ANKRD28: variants seen among roughly 807,000 people sequenced by gnomAD.
The protein encoded by ANKRD28 is ankyrin repeat domain 28.
In ANKRD28, 44 loss-of-function variants were observed where a neutral mutation model predicts 126.5. The ratio of observed to expected loss-of-function variants is 0.35; its 90% CI spans 0.27 to 0.45. ANKRD28 has a LOEUF of 0.45. ANKRD28 is among the 20% of genes least tolerant of loss of function. The probability of loss-of-function intolerance (pLI) is 1.00; values close to 1 mark genes in which losing one functional copy is unlikely to be tolerated. For synonymous variants in ANKRD28, 442 were observed against 468.5 expected (o/e 0.94, Z 0.73); for missense variants, 1,110 against 1,316.6 (o/e 0.84, Z 2.43).
intron 1 of ANKRD28, among the ~76,000 whole-genome samples, chr3:15,795,632 T>C (rs1174018126): frequency 1.3e-5 from 2 of 152,136 alleles, no homozygotes; most frequent in East Asian, 1.9e-4. Flanking sequence ...AAATGTGTGA[T>C]CTCAACATCT....
Position 15,766,304 on chromosome 3 carries a change from T to C in ANKRD28, c.210A>G (p.Glu70=). Reference sequence around the variant, plus strand: ...CTGCGGCGTGCAATGGGGTTCGCTTTTCATTGTCCTGTGATAATAAGGAAA... The same window carrying C: ...CTGCGGCGTGCAATGGGGTTCGCTTCTCATTGTCCTGTGATAATAAGGAAA... The part of the protein sequence containing the change: ...KKEDVNFQDN[E]KRTPLHAAAY... Residue 70 remains glutamate (E), a synonymous_variant, in exon 3 of 28, where the codon GAA becomes GAG. Coordinates refer to ENST00000683139, the MANE Select transcript of ANKRD28 (RefSeq NM_001349278.2). 6.2e-7 allele frequency: 1 copy of C among 1,610,808 alleles called. No individual in the cohort carries two copies. Among genetic ancestry groups the C allele is most frequent in the African/African-American group, 1.3e-5 (1 of 75,024 alleles).
intron 27 of ANKRD28, among the ~76,000 whole-genome samples, chr3:15,674,961 G>A (rs181494493): frequency 1.3e-5 from 2 of 152,070 alleles, no homozygotes; most frequent in African/African-American, 2.4e-5. Flanking sequence ...CTGACTATAC[G>A]GAAATTAAGA....
intron 4 of ANKRD28, among the ~76,000 whole-genome samples, chr3:15,742,123 A>G (rs2057078565): frequency 6.6e-6 from 1 of 152,212 alleles, no homozygotes; most frequent in African/African-American, 2.4e-5. Flanking sequence ...TTGGCCTCCC[A>G]AAGTGCCAAG....
intron 4 of ANKRD28, among the ~76,000 whole-genome samples, chr3:15,740,983 G>A (rs995802155): frequency 6.6e-6 from 1 of 152,156 alleles, no homozygotes; most frequent in East Asian, 1.9e-4. Flanking sequence ...GGTGGATCAC[G>A]AGGTCAGGAG....
chr3:15,742,489 C>T (rs1266220744), intron 4 of ANKRD28, among the ~76,000 whole-genome samples: 2 of 139,716 alleles, frequency 1.4e-5, no homozygotes, highest in Non-Finnish European at 3.1e-5. Context: ...AGTGAGGAGA[C>T]CCTCCGCCTG....
intron 11 of ANKRD28, 73 bp downstream of exon 11, chr3:15,712,067 G>T: frequency 2.6e-6 from 3 of 1,152,860 alleles, no homozygotes; most frequent in Non-Finnish European, 3.8e-6. Context: ...TTTTTAAAAA[G>T]CAGGATAGAG....
chr3:15,778,080 C>CTCCTT (rs905163328), intron 2 of ANKRD28, among the ~76,000 whole-genome samples: 5 of 152,046 alleles, frequency 3.3e-5, no homozygotes, highest in African/African-American at 1.2e-4. Flanking sequence ...TTTTCTGGAG[C>CTCCTT]TCCTTTCGTG....
chr3:15,837,281 GAAC>G (rs1428555130), intron 1 of ANKRD28, among the ~76,000 whole-genome samples: 1 of 151,992 alleles, frequency 6.6e-6, no homozygotes, highest in Non-Finnish European at 1.5e-5. Flanking sequence ...ATGAAGATCT[GAAC>G]AACACTATAA....
chr3:15,679,448 A>C (rs749894186), intron 22 of ANKRD28, 28 bp downstream of exon 22: 1 of 1,613,708 alleles, frequency 6.2e-7, no homozygotes, highest in Admixed American at 1.7e-5. Flanking sequence ...CACTCAAACC[A>C]AATCTGATTC....
At chr3:15,703,869 A>G (rs2070974833) in intron 14 of ANKRD28, among the ~76,000 whole-genome samples, 1 of 152,252 alleles carries the variant, frequency 6.6e-6, no homozygotes, top group African/African-American at 2.4e-5. Flanking sequence ...TTTATAACAT[A>G]TACCAGGACT....
rs1436698383 is a variant in ANKRD28 at position 15,814,968 on chromosome 3, C to T, written c.28-19662G>A. ...TAACTTGCTTGTCTCCATCACTCCT[C>T]ATTTAACAATGTGGACCTTAAATAT... On this transcript the variant is annotated intron_variant, in intron 1 of 27. Transcript: ENST00000399451. This position sits in a 1 kb window ranked among gnomAD's most constrained non-coding sequence, Gnocchi z 4.7. Among the ~76,000 whole-genome samples, 1 of 151,064 alleles carries T rather than the reference C, an allele frequency of 6.6e-6. No homozygotes were observed. The highest frequency in any genetic ancestry group is 1.5e-5 in the Non-Finnish European group (1 of 67,742).
chr3:15,786,711 T>G (rs894938883), intron 2 of ANKRD28, among the ~76,000 whole-genome samples: 1 of 152,130 alleles, frequency 6.6e-6, no homozygotes, highest in African/African-American at 2.4e-5. Context: ...AGTATGAAAT[T>G]TAGGACATAA....
Position 15,833,775 on chromosome 3 carries a change from C to T in ANKRD28, c.27+25602G>A, listed in dbSNP as rs557795946. ...TGAGCAGTAGGATATAAATAACTCC[C>T]ACATGCTTAGTGTTCCAATAATGGA... On this transcript the variant is annotated intron_variant, in intron 1 of 27. Transcript: ENST00000399451. The surrounding 1 kb of genome is among the most constrained non-coding windows in gnomAD (Gnocchi z 4.4). Among the ~76,000 whole-genome samples the T allele has an allele frequency of 4.8e-4, 73 of 151,932 alleles. No individual in the cohort carries two copies. Among genetic ancestry groups the T allele is most frequent in the Non-Finnish European group, 1.0e-3 (68 of 67,988 alleles).
At chr3:15,822,759 A>T (rs894045506) in intron 1 of ANKRD28, among the ~76,000 whole-genome samples, 1 of 152,306 alleles carries the variant, frequency 6.6e-6, no homozygotes, top group Admixed American at 6.5e-5. Context: ...GATGTTAAAA[A>T]ATAGAAGTCA....
At chr3:15,756,527 G>GTTA in intron 3 of ANKRD28, 2 of 985,320 alleles carry the variant, frequency 2.0e-6, no homozygotes, top group Non-Finnish European at 2.4e-6. Context: ...GCTGAAGAGA[G>GTTA]GTCTAACGTT....
chr3:15,744,577 A>C (rs991302467), intron 4 of ANKRD28, among the ~76,000 whole-genome samples: 1 of 150,442 alleles, frequency 6.6e-6, no homozygotes, highest in African/African-American at 2.5e-5. Flanking sequence ...TCAGCCTCCC[A>C]AACTGCTGGG....
intron 24 of ANKRD28, 97 bp from the exon 25 acceptor site, chr3:15,677,659 G>A: frequency 2.4e-6 from 2 of 827,996 alleles, no homozygotes; most frequent in African/African-American, 1.7e-5. Flanking sequence ...AAGCAAAAAA[G>A]TCCCTCTCAC....
chr3:15,710,499 G>C (rs1047475794), intron 12 of ANKRD28, among the ~76,000 whole-genome samples: 1 of 152,106 alleles, frequency 6.6e-6, no homozygotes, highest in Non-Finnish European at 1.5e-5. Context: ...CTACAACTTA[G>C]ACTGTGCTGG....
At chr3:15,707,113 G>A (rs1341140061) in intron 14 of ANKRD28, among the ~76,000 whole-genome samples, 1 of 152,178 alleles carries the variant, frequency 6.6e-6, no homozygotes, top group Non-Finnish European at 1.5e-5. Flanking sequence ...TCTGTTATAT[G>A]AAGTACATTT....
Sources: gnomAD v4.1 joint callset for allele counts (sites outside exome capture counted in the v4.1 genomes callset) on GRCh38, gnomAD v4.1.1 for gene constraint, Gnocchi (gnomAD v3.1) non-coding constraint, MANE v1.5 for transcripts, NCBI Gene and HGNC (gene_info 2026-07-23, HGNC 2026-07-21) for gene names.